Variants in SPCS2 observed in about 807,000 individuals in gnomAD.
SPCS2 encodes signal peptidase complex subunit 2.
Under a neutral mutation model 22.3 loss-of-function variants are expected in SPCS2, and 3 were observed. The observed-to-expected ratio is 0.13, with a 90% CI of 0.06 to 0.35. The LOEUF (loss-of-function observed/expected upper bound fraction) is 0.35, where lower values mean the gene tolerates loss of function less well. SPCS2 is among the 10% of genes least tolerant of loss of function. The pLI, the probability that SPCS2 is intolerant of heterozygous loss-of-function variation, is 1.00. For missense variants in SPCS2, 169 were observed against 280.9 expected, an observed-to-expected ratio of 0.60 and a Z score of 2.85; for synonymous variants, 67 against 97.2, an observed-to-expected ratio of 0.69 and a Z score of 1.83.
intron 1 of SPCS2, chr11:74,963,618 C>G (rs886345068): frequency 2.3e-6 from 1 of 440,082 alleles, no homozygotes; most frequent in Non-Finnish European, 4.5e-6. Flanking sequence ...CTATATTGCC[C>G]AGGCTGGACT....
chr11:74,962,507 A>G (rs998724954), intron 1 of SPCS2, among the ~76,000 whole-genome samples: 3 of 151,982 alleles, frequency 2.0e-5, no homozygotes, highest in African/African-American at 7.3e-5. Flanking sequence ...TTACAAAAGG[A>G]AAGCAATTTG....
chr11:74,950,581 C>T (rs1055978166), intron 1 of SPCS2, among the ~76,000 whole-genome samples: 2 of 152,182 alleles, frequency 1.3e-5, no homozygotes, highest in Non-Finnish European at 2.9e-5. Context: ...AGAGGGGTCA[C>T]GCTCCATTGC....
intron 4 of SPCS2, among the ~76,000 whole-genome samples, chr11:74,970,530 T>C (rs940449438): frequency 2.0e-5 from 3 of 152,248 alleles, no homozygotes; most frequent in Admixed American, 6.5e-5. Context: ...CTTAAAAACC[T>C]ATTATACTTA....
intron 1 of SPCS2, among the ~76,000 whole-genome samples, chr11:74,962,433 C>G (rs530007992): frequency 6.6e-6 from 1 of 151,880 alleles, no homozygotes; most frequent in Admixed American, 6.6e-5. Flanking sequence ...CACTGCCCTT[C>G]TTTTTAATTT....
intron 3 of SPCS2, among the ~76,000 whole-genome samples, chr11:74,966,351 G>T (rs541516268): frequency 6.6e-6 from 1 of 152,300 alleles, no homozygotes; most frequent in African/African-American, 2.4e-5. Context: ...CTGAGGAGCT[G>T]AACTGGAAAG....
In SPCS2 at chr11:74,965,621, T is replaced by C. The variant is rs981152947; in HGVS notation, c.199-142T>C. On this transcript the variant is annotated intron_variant, in intron 2 of 4. Transcript: ENST00000263672. Reference sequence around the variant, plus strand: ...GGTTCTTTATAGAAGGCTTGAGTTTTACTTGTTTGGTGTGGTAAAATCCCA... The same window carrying C: ...GGTTCTTTATAGAAGGCTTGAGTTTCACTTGTTTGGTGTGGTAAAATCCCA... 6.1e-6 allele frequency: 4 copies of C among 653,770 alleles called. No homozygotes were observed. The African/African-American group carries it at 7.4e-5, about 12-fold the overall frequency. The allele number at this position is 653,770 out of a possible 1,614,324, so 40.5% of individuals were successfully genotyped here.
intron 4 of SPCS2, among the ~76,000 whole-genome samples, chr11:74,975,187 G>C (rs1415093802): frequency 6.6e-6 from 1 of 151,956 alleles, no homozygotes; most frequent in African/African-American, 2.4e-5. Flanking sequence ...GCCCCTTTCT[G>C]TTCTTAAGAC....
intron 1 of SPCS2, among the ~76,000 whole-genome samples, chr11:74,957,811 G>A (rs1327372481): frequency 1.3e-5 from 2 of 152,084 alleles, no homozygotes; most frequent in Non-Finnish European, 2.9e-5. Flanking sequence ...TCTACCCATT[G>A]CAAAGGTAAG....
At chr11:74,960,216 C>A (rs1484586336) in intron 1 of SPCS2, among the ~76,000 whole-genome samples, 1 of 152,188 alleles carries the variant, frequency 6.6e-6, no homozygotes, top group Non-Finnish European at 1.5e-5. Context: ...TCTGTAATCC[C>A]AGCTACTCGG....
intron 1 of SPCS2, among the ~76,000 whole-genome samples, chr11:74,954,226 G>T (rs1347923374): frequency 6.6e-6 from 1 of 152,164 alleles, no homozygotes; most frequent in Non-Finnish European, 1.5e-5. Context: ...ATAATGAAGA[G>T]ATCCTGAAAC....
intron 1 of SPCS2, among the ~76,000 whole-genome samples, chr11:74,955,708 C>T (rs917805392): frequency 1.3e-5 from 2 of 151,268 alleles, no homozygotes; most frequent in Non-Finnish European, 2.9e-5. Flanking sequence ...TGAACTATAT[C>T]GCAATTTTAG....
chr11:74,963,064 T>A (rs1159552571), intron 1 of SPCS2, among the ~76,000 whole-genome samples: 1 of 152,248 alleles, frequency 6.6e-6, no homozygotes, highest in Non-Finnish European at 1.5e-5. Flanking sequence ...TATTCTGACT[T>A]TATTTCACAA....
intron 1 of SPCS2, among the ~76,000 whole-genome samples, chr11:74,950,441 C>CAT (rs1948389682): frequency 6.6e-6 from 1 of 152,198 alleles, no homozygotes; most frequent in South Asian, 2.1e-4. Context: ...CTTCCCTGTG[C>CAT]ATAACACATG....
At position 74,976,983 on chromosome 11, in the gene SPCS2, A is replaced by C. The variant is rs1948617637; in HGVS notation, c.621A>C (p.Ala207=). 4.4e-6 allele frequency: 7 copies of C among 1,598,370 alleles called. No individual in the cohort carries two copies. The highest frequency in any genetic ancestry group is 6.0e-6 in the Non-Finnish European group (7 of 1,168,244). Residue 207 remains alanine, a synonymous_variant, in exon 5 of 5, where the codon GCA becomes GCC. Coordinates refer to ENST00000263672, the MANE Select transcript of SPCS2 (RefSeq NM_014752.3). ...FDHSGTLVMD[A]YEPEISRLHD... ...ACAGTGGGACACTGGTCATGGATGC[A>C]TATGAGCCTGAAATATCCAGGCTCC...
At chr11:74,953,343 C>G (rs1948457537) in intron 1 of SPCS2, among the ~76,000 whole-genome samples, 1 of 151,958 alleles carries the variant, frequency 6.6e-6, no homozygotes, top group Admixed American at 6.6e-5. Flanking sequence ...CAGGCATGTG[C>G]CTCCATACCC....
At chr11:74,962,974 A>G (rs946158542) in intron 1 of SPCS2, among the ~76,000 whole-genome samples, 8 of 152,340 alleles carry the variant, frequency 5.3e-5, no homozygotes, top group East Asian at 1.9e-4. Context: ...CTGTGATGCA[A>G]TGCAGGCAGT....
chr11:74,967,921 G>T (rs1235625851), intron 3 of SPCS2, among the ~76,000 whole-genome samples: 2 of 151,830 alleles, frequency 1.3e-5, no homozygotes, highest in Non-Finnish European at 2.9e-5. Context: ...GTGACAGAGT[G>T]AGACCCTGTC....
intron 1 of SPCS2, among the ~76,000 whole-genome samples, chr11:74,957,147 T>C (rs1948484495): frequency 1.3e-5 from 2 of 152,204 alleles, no homozygotes; most frequent in Admixed American, 1.3e-4. Context: ...GCTAGAACAG[T>C]GCTTGGCACA....
chr11:74,976,844 C>T lies in SPCS2; in HGVS notation c.495-13C>T. Reference sequence around the variant, plus strand: ...TTTGGTTTTTAATTTGTTATCTTTGCCCCCATGCTTAGGTTTGATGACAAA... The same window carrying T: ...TTTGGTTTTTAATTTGTTATCTTTGTCCCCATGCTTAGGTTTGATGACAAA... On this transcript the variant is annotated splice_polypyrimidine_tract_variant and intron_variant, in intron 4 of 4. Coordinates refer to ENST00000263672, the MANE Select transcript of SPCS2 (RefSeq NM_014752.3). The T allele has an allele frequency of 6.2e-7, 1 of 1,613,474 alleles. No individual in the cohort carries two copies. Among genetic ancestry groups the T allele is most frequent in the Non-Finnish European group, 8.5e-7 (1 of 1,179,540 alleles).
Sources: gnomAD v4.1 joint callset for allele counts (sites outside exome capture counted in the v4.1 genomes callset) on GRCh38, gnomAD v4.1.1 for gene constraint, MANE v1.5 for transcripts, NCBI Gene and HGNC (gene_info 2026-07-23, HGNC 2026-07-21) for gene names.